Variants in ANKS1B observed in about 807,000 individuals in gnomAD.
The protein encoded by ANKS1B is ankyrin repeat and sterile alpha motif domain-containing protein 1B.
Under a neutral mutation model 148.3 loss-of-function variants are expected in ANKS1B, and 36 were observed. The ratio of observed to expected loss-of-function variants is 0.24; its 90% CI spans 0.19 to 0.32. The LOEUF (loss-of-function observed/expected upper bound fraction) is 0.32, where lower values mean the gene tolerates loss of function less well. ANKS1B is among the 10% of genes least tolerant of loss of function. The probability of loss-of-function intolerance (pLI) is 1.00; values close to 1 mark genes in which losing one functional copy is unlikely to be tolerated. For synonymous variants in ANKS1B, 542 were observed against 560.8 expected (o/e 0.97, Z 0.47); for missense variants, 1,157 against 1,542.6 (o/e 0.75, Z 4.19).
intron 12 of ANKS1B, among the ~76,000 whole-genome samples, chr12:99,340,573 G>A (rs192161867): frequency 1.3e-5 from 2 of 151,662 alleles, no homozygotes; most frequent in African/African-American, 4.8e-5. Flanking sequence ...AAAACCAAAT[G>A]CCCCAGTACC....
intron 8 of ANKS1B, among the ~76,000 whole-genome samples, chr12:99,676,425 A>G (rs1201955642): frequency 1.3e-5 from 2 of 152,230 alleles, no homozygotes; most frequent in East Asian, 3.8e-4. Context: ...CAAGCTTTTT[A>G]AAGAAAAATG....
chr12:99,277,583 G>C (rs1266027071), intron 12 of ANKS1B, among the ~76,000 whole-genome samples: 2 of 152,216 alleles, frequency 1.3e-5, no homozygotes, highest in Non-Finnish European at 2.9e-5. Flanking sequence ...GGTTAGTAAA[G>C]AGTTCTTCCC....
At chr12:99,163,227 T>C (rs563134575) in intron 14 of ANKS1B, among the ~76,000 whole-genome samples, 2 of 152,360 alleles carry the variant, frequency 1.3e-5, no homozygotes, top group East Asian at 3.9e-4. Flanking sequence ...CTGATATCTC[T>C]AGGATATCTT....
At chr12:99,592,892 A>AG (rs1159708778) in intron 9 of ANKS1B, among the ~76,000 whole-genome samples, 2 of 152,146 alleles carry the variant, frequency 1.3e-5, no homozygotes, top group African/African-American at 4.8e-5. Context: ...GGACAACTCA[A>AG]GGGAAATGGG....
At chr12:98,893,059 C>T (rs995947017) in intron 17 of ANKS1B, among the ~76,000 whole-genome samples, 2 of 152,172 alleles carry the variant, frequency 1.3e-5, no homozygotes, top group African/African-American at 4.8e-5. Context: ...CCCCTGCATT[C>T]TGAAGGTTTT....
intron 12 of ANKS1B, among the ~76,000 whole-genome samples, chr12:99,303,168 TA>T (rs1283820985): frequency 6.6e-6 from 1 of 152,160 alleles, no homozygotes; most frequent in Non-Finnish European, 1.5e-5. Flanking sequence ...ACTGCTGACC[TA>T]AAAAATTACA....
At chr12:99,429,186 C>T (rs2095320397) in intron 11 of ANKS1B, among the ~76,000 whole-genome samples, 1 of 151,980 alleles carries the variant, frequency 6.6e-6, no homozygotes, top group South Asian at 2.1e-4. Flanking sequence ...GAAAGAGTAA[C>T]CTTACAATGG....
chr12:98,894,654 G>C, intron 17 of ANKS1B: 1 of 985,474 alleles, frequency 1.0e-6, no homozygotes, highest in Non-Finnish European at 1.2e-6. Flanking sequence ...CTGGCCGCGA[G>C]CCGGGATCCG....
At chr12:99,167,334 A>G (rs1010321157) in intron 14 of ANKS1B, among the ~76,000 whole-genome samples, 17 of 152,142 alleles carry the variant, frequency 1.1e-4, no homozygotes, top group African/African-American at 3.9e-4. Context: ...TTTGTGAATC[A>G]TGTGATAACA....
At chr12:99,326,747 T>G (rs2086381223) in intron 12 of ANKS1B, among the ~76,000 whole-genome samples, 1 of 151,454 alleles carries the variant, frequency 6.6e-6, no homozygotes, top group Non-Finnish European at 1.5e-5. Flanking sequence ...TCCCCTTGTT[T>G]AAAGAAACCT....
chr12:99,890,570 GGTGTGTGTGTGTGTGTGT>G (rs10603901), intron 1 of ANKS1B, among the ~76,000 whole-genome samples: 8,226 of 138,030 alleles, frequency 0.06, 315 homozygotes, highest in Admixed American at 0.1. Flanking sequence ...TCGCATTCAT[GGTGTGTGTGTGTGTGTGT>G]GTGTGTGTGT....
intron 16 of ANKS1B, 22 bp from the exon 17 acceptor site, chr12:99,053,331 T>G: frequency 6.4e-7 from 1 of 1,563,694 alleles, no homozygotes; most frequent in Non-Finnish European, 8.6e-7. Flanking sequence ...AAAATTACAT[T>G]AGGATTAAAC....
chr12:98,887,902 CA>C (rs2099743733), intron 17 of ANKS1B, among the ~76,000 whole-genome samples: 1 of 152,144 alleles, frequency 6.6e-6, no homozygotes, highest in Non-Finnish European at 1.5e-5. Context: ...CATGATCCAC[CA>C]ATAAAATAAA....
At chr12:99,564,304 T>C (rs1567361501) in intron 9 of ANKS1B, among the ~76,000 whole-genome samples, 3 of 151,994 alleles carry the variant, frequency 2.0e-5, no homozygotes, top group Non-Finnish European at 2.9e-5. Context: ...ATTTTTAATA[T>C]ATTTATGCAA....
chr12:99,447,207 C>T (rs2095650336), intron 10 of ANKS1B, among the ~76,000 whole-genome samples: 1 of 151,990 alleles, frequency 6.6e-6, no homozygotes, highest in Non-Finnish European at 1.5e-5. Context: ...GCCAACAACA[C>T]ACAATGGGGA....
intron 16 of ANKS1B, among the ~76,000 whole-genome samples, chr12:99,063,821 T>G (rs2043213199): frequency 6.6e-6 from 1 of 152,220 alleles, no homozygotes; most frequent in African/African-American, 2.4e-5. Context: ...CTGTGACTGT[T>G]GTTGGAAAGC....
At chr12:99,287,204 CAG>C (rs1347799266) in intron 12 of ANKS1B, among the ~76,000 whole-genome samples, 2 of 152,118 alleles carry the variant, frequency 1.3e-5, no homozygotes, top group Non-Finnish European at 2.9e-5. Context: ...GCCCAGCATG[CAG>C]AGAGAGACTC....
intron 12 of ANKS1B, among the ~76,000 whole-genome samples, chr12:99,380,067 G>T (rs909488694): frequency 2.0e-5 from 3 of 152,132 alleles, no homozygotes; most frequent in African/African-American, 7.2e-5. Context: ...GTTCTCATCG[G>T]CATTGATATG....
At chr12:99,626,836 G>C (rs2098116272) in intron 9 of ANKS1B, among the ~76,000 whole-genome samples, 1 of 152,150 alleles carries the variant, frequency 6.6e-6, no homozygotes, top group Non-Finnish European at 1.5e-5. Context: ...GTCAATCAGA[G>C]AGGTCAGGTG....
Sources: allele counts gnomAD v4.1 joint callset (sites outside exome capture counted in the v4.1 genomes callset), GRCh38; gene constraint gnomAD v4.1.1; transcripts MANE v1.5; gene names NCBI Gene and HGNC (gene_info 2026-07-23, HGNC 2026-07-21).